KALRN: variants seen among roughly 807,000 people sequenced by gnomAD.
KALRN encodes the protein kalirin.
Under a neutral mutation model 353.7 loss-of-function variants are expected in KALRN, and 70 were observed. The ratio of observed to expected loss-of-function variants is 0.20; its 90% CI spans 0.16 to 0.24. KALRN has a LOEUF of 0.24. Among genes scored for constraint, KALRN ranks in the 10% least tolerant of loss-of-function variants. The probability of loss-of-function intolerance (pLI) is 1.00; values close to 1 mark genes in which losing one functional copy is unlikely to be tolerated. For missense variants in KALRN, 2,791 were observed against 3,756.7 expected (o/e 0.74, Z 6.72); for synonymous variants, 1,391 against 1,434.8 (o/e 0.97, Z 0.69).
chr3:124,578,991 G>A (rs1467634261), intron 34 of KALRN, among the ~76,000 whole-genome samples: 1 of 152,148 alleles, frequency 6.6e-6, no homozygotes, highest in Non-Finnish European at 1.5e-5. Context: ...CCTGAATTGG[G>A]GCATGGTTGC....
At position 124,610,654 on chromosome 3, in the gene KALRN, C is replaced by A. The variant is rs148095854; in HGVS notation, c.5183-21766C>A. 5.4e-3 allele frequency among the ~76,000 whole-genome samples: 820 copies of A among 152,038 alleles called. 9 individuals carry two copies. Among genetic ancestry groups the A allele is most frequent in the African/African-American group, 0.018 (734 of 41,412 alleles). On this transcript the variant is annotated intron_variant, in intron 34 of 59. Transcript: ENST00000682506. Reference sequence around the variant, plus strand: ...AACCCTGGGGGGGGCGGCTATCCCTCCAGGATCAGCAATACCCCAGATATC... The same window carrying A: ...AACCCTGGGGGGGGCGGCTATCCCTACAGGATCAGCAATACCCCAGATATC...
chr3:124,719,006 G>A lies in KALRN; in HGVS notation c.8497G>A (p.Gly2833Ser), dbSNP rs1454110867. 8.1e-6 allele frequency: 13 copies of A among 1,614,016 alleles called. No homozygotes were observed. Among genetic ancestry groups the A allele is most frequent in the African/African-American group, 1.3e-5 (1 of 74,892 alleles). ...IDLEDAVQIS[G>S]HFHIHHLLGN... ...CTTGGAGGATGCTGTCCAGATCTCGGGTCACTTCCACATTCACCACCTGCT... is the reference window on the plus strand; with the variant it reads ...CTTGGAGGATGCTGTCCAGATCTCGAGTCACTTCCACATTCACCACCTGCT... The change falls in exon 60 of 60, where the codon GGT becomes AGT. Residue 2833 changes from glycine (G) to serine (S), a missense_variant. Gly to Ser is a moderately conservative substitution (Grantham distance 56, BLOSUM62 0). Transcript: ENST00000682506. The surrounding 1 kb of genome is among the most constrained non-coding windows in gnomAD (Gnocchi z 5.3).
At chr3:124,679,800 A>G (rs2087581668) in intron 51 of KALRN, 3 of 476,748 alleles carry the variant, frequency 6.3e-6, no homozygotes, top group East Asian at 4.1e-5. Context: ...TGTAGAAAAT[A>G]TCCAATTTCA....
intron 1 of KALRN, among the ~76,000 whole-genome samples, chr3:124,114,034 A>AT (rs1413710670): frequency 6.6e-6 from 1 of 152,134 alleles, no homozygotes; most frequent in African/African-American, 2.4e-5. Flanking sequence ...GGGTGGAAAT[A>AT]TTTTTAAAAG....
chr3:124,495,994 T>TATATATATATAC (rs2063764566), intron 32 of KALRN, among the ~76,000 whole-genome samples: 2 of 57,470 alleles, frequency 3.5e-5, no homozygotes, highest in African/African-American at 2.0e-4. Context: ...TATATATATA[T>TATATATATATAC]ATATATATAT....
intron 57 of KALRN, among the ~76,000 whole-genome samples, chr3:124,707,711 G>A (rs1016667106): frequency 2.7e-4 from 41 of 152,080 alleles, no homozygotes; most frequent in African/African-American, 8.7e-4. Flanking sequence ...GCTTCACCCC[G>A]AGGGCAGTCA....
At chr3:124,071,752 T>A (rs1311558027) in intron 1 of KALRN, among the ~76,000 whole-genome samples, 1 of 152,112 alleles carries the variant, frequency 6.6e-6, no homozygotes, top group Admixed American at 6.5e-5. Context: ...CTTAATACCA[T>A]CACATTGGCC....
At chr3:124,575,264 G>A (rs192998061) in intron 34 of KALRN, among the ~76,000 whole-genome samples, 1 of 152,324 alleles carries the variant, frequency 6.6e-6, no homozygotes. Flanking sequence ...TAGGCCACAG[G>A]AAGTCTGGCT....
At chr3:124,408,848 A>T (rs925138992) in intron 13 of KALRN, among the ~76,000 whole-genome samples, 2 of 152,214 alleles carry the variant, frequency 1.3e-5, no homozygotes, top group African/African-American at 4.8e-5. Context: ...GAACCAATGG[A>T]GAGAGCTCTC....
chr3:124,115,822 A>G (rs1394471566), intron 1 of KALRN, among the ~76,000 whole-genome samples: 1 of 152,222 alleles, frequency 6.6e-6, no homozygotes, highest in East Asian at 1.9e-4. Context: ...CTTTCATTTT[A>G]TCATAAATAC....
chr3:124,623,427 C>CACACACACACACACACACACACACA (rs139583497), intron 34 of KALRN, among the ~76,000 whole-genome samples: 8 of 147,008 alleles, frequency 5.4e-5, no homozygotes, highest in Admixed American at 2.0e-4. Context: ...CACACACACA[C>CACACACACACACACACACACACACA]AAAAGGGAGT....
At chr3:124,581,807 G>A (rs1221188110) in intron 34 of KALRN, among the ~76,000 whole-genome samples, 4 of 152,096 alleles carry the variant, frequency 2.6e-5, no homozygotes, top group Admixed American at 2.6e-4. Flanking sequence ...GTTTTGGTCT[G>A]GGCTTGCAAG....
In KALRN at chr3:124,334,940, A is replaced by G. The variant is rs987302993; in HGVS notation, c.1647+445A>G. ...CTCCCAAGTAGCTGGGATTAACCGC[A>G]TGTGCCATCACACCCAGCTAATTTT... On this transcript the variant is annotated intron_variant, in intron 9 of 59. Transcript: ENST00000682506. The surrounding 1 kb of genome is among the most constrained non-coding windows in gnomAD (Gnocchi z 4.2). Among the ~76,000 whole-genome samples, 5 of 152,178 alleles carry G rather than the reference A, an allele frequency of 3.3e-5. No homozygotes were observed. Among genetic ancestry groups the G allele is most frequent in the African/African-American group, 1.2e-4 (5 of 41,450 alleles).
chr3:124,063,154 G>A (rs909870988), intron 1 of KALRN, among the ~76,000 whole-genome samples: 2 of 152,164 alleles, frequency 1.3e-5, no homozygotes, highest in African/African-American at 4.8e-5. Context: ...GAGAACAGCA[G>A]GAGAGAAGAG....
rs1212666711 is a variant in KALRN at position 124,395,171 on chromosome 3, T to G, written c.1999T>G (p.Leu667Val). 6.2e-7 allele frequency: 1 copy of G among 1,613,348 alleles called. No individual in the cohort carries two copies. Among genetic ancestry groups the G allele is most frequent in the Admixed American group, 1.7e-5 (1 of 59,922 alleles). Residue 667 changes from leucine to valine, a missense_variant, in exon 12 of 60, where the codon TTG becomes GTG. Leu to Val is a conservative substitution (Grantham distance 32). This residue lies in a region of KALRN where 452 missense variants were observed against 575.8 expected (regional missense o/e 0.78). Transcript: ENST00000682506. Reference protein sequence around the residue: ...TWMEDLQKEMLEDVCADSVDA... With the variant: ...TWMEDLQKEMVEDVCADSVDA... ...GATGGAAGACCTTCAGAAGGAGATG[T>G]TGGAGGATGTCTGTGCAGATTCTGT...
chr3:124,200,263 C>T (rs1009683340), intron 1 of KALRN, among the ~76,000 whole-genome samples: 4 of 152,204 alleles, frequency 2.6e-5, no homozygotes, highest in Non-Finnish European at 4.4e-5. Context: ...TGGAATAAAT[C>T]GTCTCTGCTG....
At chr3:124,619,961 A>G (rs1017800722) in intron 34 of KALRN, among the ~76,000 whole-genome samples, 2 of 151,498 alleles carry the variant, frequency 1.3e-5, no homozygotes, top group African/African-American at 4.9e-5. Context: ...AGATGATATC[A>G]TAGTGAAACC....
intron 10 of KALRN, among the ~76,000 whole-genome samples, chr3:124,363,918 A>G (rs1055140010): frequency 1.3e-5 from 2 of 152,250 alleles, no homozygotes; most frequent in African/African-American, 4.8e-5. Context: ...GATGCTTTGC[A>G]TTTAGAGTTC....
intron 1 of KALRN, among the ~76,000 whole-genome samples, chr3:124,224,209 G>C (rs781505224): frequency 7.3e-6 from 1 of 136,898 alleles, no homozygotes; most frequent in Non-Finnish European, 1.6e-5. Context: ...TTTTTTTAAT[G>C]TCTTCTCAGG....
Sources: gnomAD v4.1 joint callset for allele counts (sites outside exome capture counted in the v4.1 genomes callset) on GRCh38, gnomAD v4.1.1 for gene constraint, gnomAD v4.1.1 regional missense constraint, Gnocchi (gnomAD v3.1) non-coding constraint, MANE v1.5 for transcripts, NCBI Gene and HGNC (gene_info 2026-07-23, HGNC 2026-07-21) for gene names.